The following RNF19A variants were observed in gnomAD, a reference collection of about 807,000 sequenced individuals.
RNF19A encodes the protein E3 ubiquitin-protein ligase RNF19A.
In RNF19A, 32 loss-of-function variants were observed where a neutral mutation model predicts 75.7. That is an observed-to-expected ratio of 0.42 (90% confidence interval 0.32 to 0.57). The LOEUF is 0.57. RNF19A is among the 20% of genes least tolerant of loss of function. RNF19A has a pLI of 0.10. For missense variants in RNF19A, 782 were observed against 1,036.3 expected (o/e 0.75, Z 3.37); for synonymous variants, 335 against 345.2 (o/e 0.97, Z 0.33).
At chr8:100,278,242 T>A (rs1447274804) in intron 2 of RNF19A, among the ~76,000 whole-genome samples, 1 of 152,254 alleles carries the variant, frequency 6.6e-6, no homozygotes, top group African/African-American at 2.4e-5. Flanking sequence ...ACATTTCTCA[T>A]AGTTCTGCAC....
At chr8:100,316,823 G>A (rs1822385609) in intron 1 of RNF19A, among the ~76,000 whole-genome samples, 1 of 152,190 alleles carries the variant, frequency 6.6e-6, no homozygotes, top group Admixed American at 6.5e-5. Flanking sequence ...GTGGAGCAGG[G>A]GGTGGTGCTC....
chr8:100,301,351 T>C (rs569976026), intron 1 of RNF19A, among the ~76,000 whole-genome samples: 14 of 152,314 alleles, frequency 9.2e-5, no homozygotes, highest in African/African-American at 3.4e-4. Context: ...TCACCTGGTA[T>C]CCAAATTACC....
intron 1 of RNF19A, among the ~76,000 whole-genome samples, chr8:100,292,285 T>C (rs1393826435): frequency 2.0e-5 from 3 of 152,228 alleles, no homozygotes; most frequent in South Asian, 2.1e-4. Flanking sequence ...TTTGCTTTGA[T>C]AGCAAAGATA....
At chr8:100,319,553 A>G (rs1456800975) in intron 1 of RNF19A, among the ~76,000 whole-genome samples, 2 of 136,734 alleles carry the variant, frequency 1.5e-5, no homozygotes, top group Non-Finnish European at 3.1e-5. Context: ...TTTTTGAGAC[A>G]GAGTCTCACT....
chr8:100,310,760 A>AT (rs10715614), upstream of RNF19A, among the ~76,000 whole-genome samples: 76 of 150,426 alleles, frequency 5.1e-4, no homozygotes, highest in Middle Eastern at 6.8e-3. Context: ...CTTTTATTTC[A>AT]TTTTTTTTTT....
In RNF19A at chr8:100,284,922, T is replaced by C. The variant is rs1218518929; in HGVS notation, c.674+2579A>G. 6.6e-6 allele frequency among the ~76,000 whole-genome samples: 1 copy of C among 152,162 alleles called. No individual in the cohort carries two copies. The highest frequency in any genetic ancestry group is 1.5e-5 in the Non-Finnish European group (1 of 67,998). ...GTAGTGCTATTAAAAATTGTATCAGTATACTAAGCATGAACTGGAAATCAG... is the reference window on the plus strand; with the variant it reads ...GTAGTGCTATTAAAAATTGTATCAGCATACTAAGCATGAACTGGAAATCAG... On this transcript the variant is annotated intron_variant, in intron 2 of 9. Coordinates refer to ENST00000341084, the MANE Select transcript of RNF19A (RefSeq NM_183419.4). This position sits in a 1 kb window ranked among gnomAD's most constrained non-coding sequence, Gnocchi z 4.3.
At chr8:100,326,543 T>G (rs1046162163) in intron 1 of RNF19A, among the ~76,000 whole-genome samples, 4 of 152,164 alleles carry the variant, frequency 2.6e-5, no homozygotes, top group African/African-American at 9.7e-5. Flanking sequence ...TGAGGGAAAC[T>G]GAGGTAACCC....
At chr8:100,268,102 T>G (rs1820074015) in intron 5 of RNF19A, among the ~76,000 whole-genome samples, 1 of 149,738 alleles carries the variant, frequency 6.7e-6, no homozygotes, top group Non-Finnish European at 1.5e-5. Context: ...CAAAGAAAAT[T>G]TCTTTTTTTT....
At chr8:100,321,146 C>G (rs765432777) in intron 1 of RNF19A, among the ~76,000 whole-genome samples, 1 of 152,182 alleles carries the variant, frequency 6.6e-6, no homozygotes, top group Non-Finnish European at 1.5e-5. Context: ...CATCAATTGA[C>G]TCTTCCTTCC....
Position 100,264,411 on chromosome 8 carries a change from A to T in RNF19A, c.1307-216T>A. The T allele has an allele frequency of 1.7e-6, 1 of 579,656 alleles. No homozygotes were observed. 35.9% of individuals were successfully genotyped at this position (579,656 alleles called of 1,614,324 possible). On this transcript the variant is annotated intron_variant, in intron 6 of 9. Transcript: ENST00000341084. The surrounding 1 kb of genome is among the most constrained non-coding windows in gnomAD (Gnocchi z 4.7). ...GTAATGCACATAAGGGGAAAAAGAG[A>T]GAGATGCAAACTTTTTTCTTTTGAA...
chr8:100,290,933 T>C (rs1232894331), intron 1 of RNF19A, among the ~76,000 whole-genome samples: 1 of 152,272 alleles, frequency 6.6e-6, no homozygotes, highest in Non-Finnish European at 1.5e-5. Context: ...TGCCAGTGCC[T>C]CACACTGGGT....
Position 100,287,439 on chromosome 8 carries a change from C to A in RNF19A, c.674+62G>T, listed in dbSNP as rs967180193. On this transcript the variant is annotated intron_variant, in intron 2 of 9. Coordinates refer to ENST00000341084, the MANE Select transcript of RNF19A (RefSeq NM_183419.4). This position sits in a 1 kb window ranked among gnomAD's most constrained non-coding sequence, Gnocchi z 4.1. ...TAAAAATTTTTCTTTTGAGTAATAG[C>A]AAATTATTTTATCCACAGAGAAAAA... 2.7e-6 allele frequency: 4 copies of A among 1,505,132 alleles called. No homozygotes were observed. In the African/African-American group the frequency reaches 4.2e-5, roughly 16 times the overall value. 93.2% of individuals were successfully genotyped at this position (1,505,132 alleles called of 1,614,324 possible).
chr8:100,320,156 A>G (rs555704910), intron 1 of RNF19A, among the ~76,000 whole-genome samples: 20 of 152,212 alleles, frequency 1.3e-4, no homozygotes, highest in Non-Finnish European at 2.8e-4. Flanking sequence ...ACATTTTTAT[A>G]CTTCTACAAC....
chr8:100,334,392 T>C (rs1185150675), intron 1 of RNF19A, among the ~76,000 whole-genome samples: 2 of 152,212 alleles, frequency 1.3e-5, no homozygotes, highest in Non-Finnish European at 2.9e-5. Context: ...AAGGCTGATA[T>C]GATGACCAAG....
chr8:100,334,601 C>G (rs571455214), intron 1 of RNF19A, among the ~76,000 whole-genome samples: 1 of 152,178 alleles, frequency 6.6e-6, no homozygotes, highest in Admixed American at 6.5e-5. Flanking sequence ...GCCCCACCTC[C>G]GAGCTCCAGA....
chr8:100,275,275 C>G lies in RNF19A; in HGVS notation c.675-114G>C. The G allele has an allele frequency of 1.2e-6, 1 of 825,806 alleles. No homozygotes were observed. The allele number at this position is 825,806 out of a possible 1,614,324, so 51.2% of individuals were successfully genotyped here. A position where few individuals can be genotyped will look rare whatever the true frequency, so the allele number is the denominator to read the frequency against. ...AAAACATTTTCTATTTATACATTAG[C>G]AAACAGTCATAAGCACAATCTCACC... is the stretch of plus-strand genomic sequence containing the variant. On this transcript the variant is annotated intron_variant, in intron 2 of 9. Transcript: ENST00000341084. The surrounding 1 kb of genome is among the most constrained non-coding windows in gnomAD (Gnocchi z 4.3).
rs1183249223 is a variant in RNF19A at position 100,330,416 on chromosome 8, C to A, written c.-243+5692G>T. ...AGTCATGACCTGTAAGGGTTATGAT[C>A]TTTGCCTGGCATAGTGACTATTTTA... On this transcript the variant is annotated intron_variant, in intron 1 of 3. Transcript: ENST00000519527. This position sits in a 1 kb window ranked among gnomAD's most constrained non-coding sequence, Gnocchi z 4.1. 6.6e-6 allele frequency among the ~76,000 whole-genome samples: 1 copy of A among 152,214 alleles called. No individual in the cohort carries two copies. Among genetic ancestry groups the A allele is most frequent in the Non-Finnish European group, 1.5e-5 (1 of 68,036 alleles).
chr8:100,326,141 G>A (rs1243536675), intron 1 of RNF19A, among the ~76,000 whole-genome samples: 1 of 151,980 alleles, frequency 6.6e-6, no homozygotes, highest in Non-Finnish European at 1.5e-5. Context: ...TTCCAGCCTG[G>A]CTTTCATCAC....
intron 2 of RNF19A, among the ~76,000 whole-genome samples, chr8:100,281,303 G>A (rs1391170446): frequency 2.0e-5 from 3 of 152,118 alleles, no homozygotes; most frequent in African/African-American, 7.2e-5. Flanking sequence ...GGTCAAGTTA[G>A]GAAAATGCCA....
Sources: allele counts gnomAD v4.1 joint callset (sites outside exome capture counted in the v4.1 genomes callset), GRCh38; gene constraint gnomAD v4.1.1; non-coding constraint Gnocchi (gnomAD v3.1); transcripts MANE v1.5; gene names NCBI Gene and HGNC (gene_info 2026-07-23, HGNC 2026-07-21).